The following ASAP1 variants were observed in gnomAD, a reference collection of about 807,000 sequenced individuals.
ASAP1 encodes arf-GAP with SH3 domain, ANK repeat and PH domain-containing protein 1.
A neutral mutation model predicts 145.2 loss-of-function variants in ASAP1; 43 were observed. The observed-to-expected ratio is 0.30, with a 90% CI of 0.23 to 0.38. The LOEUF (loss-of-function observed/expected upper bound fraction) is 0.38, where lower values mean the gene tolerates loss of function less well. Among genes scored for constraint, ASAP1 ranks in the 10% least tolerant of loss-of-function variants. The pLI, the probability that ASAP1 is intolerant of heterozygous loss-of-function variation, is 1.00. For missense variants in ASAP1, 1,018 were observed against 1,355.3 expected, an observed-to-expected ratio of 0.75 and a Z score of 3.91; for synonymous variants, 546 against 515.5, an observed-to-expected ratio of 1.06 and a Z score of -0.80.
intron 4 of ASAP1, among the ~76,000 whole-genome samples, chr8:130,218,518 G>A (rs931399529): frequency 6.6e-6 from 1 of 152,006 alleles, no homozygotes; most frequent in Admixed American, 6.6e-5. Context: ...TCATGCAAAG[G>A]TTAGAAAGAA....
At chr8:130,186,913 G>C (rs907753279) in intron 7 of ASAP1, among the ~76,000 whole-genome samples, 1 of 152,092 alleles carries the variant, frequency 6.6e-6, no homozygotes, top group Non-Finnish European at 1.5e-5. Context: ...AAACATAAAT[G>C]GTCCATAATT....
chr8:130,258,948 G>T (rs1425550624), intron 3 of ASAP1, among the ~76,000 whole-genome samples: 1 of 152,092 alleles, frequency 6.6e-6, no homozygotes, highest in Non-Finnish European at 1.5e-5. Flanking sequence ...TGGTAGGAAG[G>T]CCTTTTCCCT....
chr8:130,219,005 TAAC>T (rs545037319), intron 4 of ASAP1, among the ~76,000 whole-genome samples: 1 of 152,006 alleles, frequency 6.6e-6, no homozygotes, highest in African/African-American at 2.4e-5. Flanking sequence ...GGGGTAATAA[TAAC>T]AATAATAATC....
chr8:130,419,789 C>T (rs1371926820), intron 1 of ASAP1, among the ~76,000 whole-genome samples: 1 of 152,114 alleles, frequency 6.6e-6, no homozygotes, highest in African/African-American at 2.4e-5. Context: ...GGCTGCTGGC[C>T]TCAATCCAAG....
Position 130,238,719 on chromosome 8 carries a change from C to T in ASAP1, c.187-1725G>A, listed in dbSNP as rs75097708. Among the ~76,000 whole-genome samples, 13 of 152,108 alleles carry T rather than the reference C, an allele frequency of 8.5e-5. No homozygotes were observed. The East Asian group carries it at 2.3e-3, about 27-fold the overall frequency. On this transcript the variant is annotated intron_variant, in intron 3 of 29. Coordinates refer to ENST00000518721, the MANE Select transcript of ASAP1 (RefSeq NM_018482.4). ...TTTCAGATAAGGAAATGTAGTAGAC[C>T]TTCAATAAATATTTATAGAAAGGCA...
intron 9 of ASAP1, among the ~76,000 whole-genome samples, chr8:130,172,416 A>C (rs1247499411): frequency 6.6e-6 from 1 of 152,226 alleles, no homozygotes; most frequent in Non-Finnish European, 1.5e-5. Context: ...CCTGTACTCC[A>C]GAAACTACTG....
chr8:130,130,165 T>C (rs899047542), intron 15 of ASAP1, among the ~76,000 whole-genome samples: 2 of 152,140 alleles, frequency 1.3e-5, no homozygotes, highest in African/African-American at 2.4e-5. Flanking sequence ...TCCAAAAAAG[T>C]TGTGGGCCCA....
intron 13 of ASAP1, among the ~76,000 whole-genome samples, chr8:130,141,116 G>A (rs1232231281): frequency 6.6e-6 from 1 of 152,128 alleles, no homozygotes; most frequent in African/African-American, 2.4e-5. Flanking sequence ...ACACCACAGT[G>A]GAACAGTTTA....
chr8:130,293,168 A>G (rs1822049189), intron 3 of ASAP1, among the ~76,000 whole-genome samples: 1 of 152,186 alleles, frequency 6.6e-6, no homozygotes, highest in African/African-American at 2.4e-5. Context: ...CTGCACATAA[A>G]TATCTGGGGA....
At chr8:130,254,234 G>C (rs1314299421) in intron 3 of ASAP1, among the ~76,000 whole-genome samples, 1 of 152,064 alleles carries the variant, frequency 6.6e-6, no homozygotes, top group Non-Finnish European at 1.5e-5. Flanking sequence ...GATTCCAGTG[G>C]GTTTTTCTTT....
chr8:130,067,114 C>T (rs925103900), intron 27 of ASAP1, among the ~76,000 whole-genome samples: 2 of 152,212 alleles, frequency 1.3e-5, no homozygotes, highest in African/African-American at 2.4e-5. Flanking sequence ...CCAGGATACC[C>T]AGACCTGCAC....
chr8:130,306,460 T>C (rs1031192587), intron 3 of ASAP1, among the ~76,000 whole-genome samples: 4 of 152,146 alleles, frequency 2.6e-5, no homozygotes, highest in Admixed American at 6.5e-5. Flanking sequence ...ACAAAATCAA[T>C]TCAAAGGCAA....
At chr8:130,170,298 G>A (rs1321744647) in intron 9 of ASAP1, among the ~76,000 whole-genome samples, 1 of 151,932 alleles carries the variant, frequency 6.6e-6, no homozygotes, top group Non-Finnish European at 1.5e-5. Context: ...GGGACTACAG[G>A]TGCCTGCCAC....
intron 23 of ASAP1, 151 bp downstream of exon 23, chr8:130,115,477 G>C (rs1315920710): frequency 1.5e-6 from 1 of 651,680 alleles, no homozygotes; most frequent in African/African-American, 1.8e-5. Flanking sequence ...CTGTTAAATG[G>C]TGCCCAATAA....
chr8:130,211,475 T>C (rs1816577761), intron 5 of ASAP1, among the ~76,000 whole-genome samples: 1 of 152,184 alleles, frequency 6.6e-6, no homozygotes, highest in South Asian at 2.1e-4. Flanking sequence ...ATAGTTACCA[T>C]CATTTAGTGC....
intron 24 of ASAP1, among the ~76,000 whole-genome samples, chr8:130,092,528 G>C (rs1006689114): frequency 6.6e-6 from 1 of 152,152 alleles, no homozygotes; most frequent in African/African-American, 2.4e-5. Context: ...TTGGAAGACT[G>C]AGGTAGGAGG....
intron 3 of ASAP1, among the ~76,000 whole-genome samples, chr8:130,291,378 T>C (rs929079565): frequency 6.6e-6 from 1 of 152,190 alleles, no homozygotes; most frequent in Non-Finnish European, 1.5e-5. Context: ...CTGCCCCTCA[T>C]CCTTGCCTCC....
chr8:130,298,141 A>T (rs1822402025), intron 3 of ASAP1, among the ~76,000 whole-genome samples: 1 of 152,238 alleles, frequency 6.6e-6, no homozygotes, highest in South Asian at 2.1e-4. Context: ...AATGACAAAT[A>T]GCTAGTTGAC....
intron 11 of ASAP1, among the ~76,000 whole-genome samples, chr8:130,164,597 A>C (rs945995092): frequency 3.9e-5 from 6 of 152,232 alleles, no homozygotes; most frequent in African/African-American, 1.4e-4. Context: ...AAAAAAACCA[A>C]AACAAAAACC....
Sources: allele counts gnomAD v4.1 joint callset (sites outside exome capture counted in the v4.1 genomes callset), GRCh38; gene constraint gnomAD v4.1.1; transcripts MANE v1.5; gene names NCBI Gene and HGNC (gene_info 2026-07-23, HGNC 2026-07-21).